The following NOS1AP variants were observed in gnomAD, a reference collection of about 807,000 sequenced individuals.
NOS1AP encodes the protein carboxyl-terminal PDZ ligand of neuronal nitric oxide synthase protein.
NOS1AP carries 21 observed loss-of-function variants against 56.2 expected under a neutral mutation model. The observed-to-expected ratio is 0.37, with a 90% CI of 0.26 to 0.54. NOS1AP has a LOEUF of 0.54. NOS1AP is among the 20% of genes least tolerant of loss of function. The probability of loss-of-function intolerance (pLI) is 0.84; values close to 1 mark genes in which losing one functional copy is unlikely to be tolerated. For synonymous variants in NOS1AP, 270 were observed against 274.6 expected, an observed-to-expected ratio of 0.98 and a Z score of 0.17; for missense variants, 522 against 657.8, an observed-to-expected ratio of 0.79 and a Z score of 2.26.
At chr1:162,239,154 T>C (rs796804976) in intron 2 of NOS1AP, among the ~76,000 whole-genome samples, 2 of 152,326 alleles carry the variant, frequency 1.3e-5, no homozygotes, top group African/African-American at 4.8e-5. Flanking sequence ...CTGGTTATGA[T>C]TGTGTTTATA....
chr1:162,271,134 T>C (rs955159708), intron 2 of NOS1AP, among the ~76,000 whole-genome samples: 26 of 152,244 alleles, frequency 1.7e-4, no homozygotes, highest in South Asian at 8.3e-4. Context: ...GCTTAAATGG[T>C]CGTGGGGGGT....
At chr1:162,113,026 G>A (rs796588782) in intron 1 of NOS1AP, among the ~76,000 whole-genome samples, 6 of 152,244 alleles carry the variant, frequency 3.9e-5, no homozygotes, top group African/African-American at 1.4e-4. Context: ...TGCAGTTCTG[G>A]GCTGCATCTC....
chr1:162,270,715 G>T (rs551813504), intron 2 of NOS1AP, among the ~76,000 whole-genome samples: 1 of 152,312 alleles, frequency 6.6e-6, no homozygotes, highest in South Asian at 2.1e-4. Context: ...ATATTGTAGC[G>T]TAGTATTTTA....
chr1:162,269,380 C>T (rs1188398826), intron 2 of NOS1AP, among the ~76,000 whole-genome samples: 1 of 152,090 alleles, frequency 6.6e-6, no homozygotes, highest in Non-Finnish European at 1.5e-5. Flanking sequence ...GGTGAAATTA[C>T]TCTTTCTCTA....
chr1:162,084,008 G>A (rs1691951452), intron 1 of NOS1AP, among the ~76,000 whole-genome samples: 1 of 152,176 alleles, frequency 6.6e-6, no homozygotes, highest in Non-Finnish European at 1.5e-5. Context: ...TTATTATGCA[G>A]TGCAACCTGG....
intron 2 of NOS1AP, among the ~76,000 whole-genome samples, chr1:162,182,217 A>G (rs974040304): frequency 5.3e-5 from 8 of 151,990 alleles, no homozygotes; most frequent in Non-Finnish European, 1.0e-4. Context: ...GCTTCCTGAC[A>G]GTCACTGTGC....
chr1:162,315,338 C>T (rs954779470), intron 4 of NOS1AP, among the ~76,000 whole-genome samples: 1 of 152,188 alleles, frequency 6.6e-6, no homozygotes, highest in East Asian at 1.9e-4. Context: ...TAGCTTACTC[C>T]GCAGCATGAG....
At chr1:162,232,141 G>T (rs962726463) in intron 2 of NOS1AP, among the ~76,000 whole-genome samples, 1 of 152,186 alleles carries the variant, frequency 6.6e-6, no homozygotes, top group African/African-American at 2.4e-5. Flanking sequence ...AGAGAAATAG[G>T]TACCTTGGAA....
At chr1:162,341,965 G>A (rs1470236438) in intron 5 of NOS1AP, among the ~76,000 whole-genome samples, 1 of 152,050 alleles carries the variant, frequency 6.6e-6, no homozygotes, top group Non-Finnish European at 1.5e-5. Flanking sequence ...AAGTGTAGGG[G>A]CTTCTTGCTT....
intron 6 of NOS1AP, among the ~76,000 whole-genome samples, chr1:162,348,307 A>G (rs912164407): frequency 6.6e-6 from 1 of 152,202 alleles, no homozygotes; most frequent in Non-Finnish European, 1.5e-5. Context: ...ACTTGGTGTC[A>G]GGGGAGCAGG....
chr1:162,276,403 G>A (rs968654220), intron 2 of NOS1AP, among the ~76,000 whole-genome samples: 6 of 152,090 alleles, frequency 3.9e-5, no homozygotes, highest in Non-Finnish European at 7.3e-5. Context: ...ACGGGGAGAC[G>A]CAGGGAATCA....
At chr1:162,276,045 G>T (rs1056849631) in intron 2 of NOS1AP, among the ~76,000 whole-genome samples, 1 of 152,144 alleles carries the variant, frequency 6.6e-6, no homozygotes, top group African/African-American at 2.4e-5. Context: ...TTTTGTGCTG[G>T]AGCAAGAGAG....
intron 2 of NOS1AP, among the ~76,000 whole-genome samples, chr1:162,186,419 A>C (rs1651433617): frequency 6.8e-6 from 1 of 147,402 alleles, no homozygotes; most frequent in South Asian, 2.2e-4. Flanking sequence ...AAAACAAAAC[A>C]AAAAAAAACA....
At chr1:162,276,493 T>A (rs1654737992) in intron 2 of NOS1AP, among the ~76,000 whole-genome samples, 1 of 151,698 alleles carries the variant, frequency 6.6e-6, no homozygotes, top group Non-Finnish European at 1.5e-5. Context: ...GACCTCAGTC[T>A]TAGCTGCTCA....
At position 162,300,683 on chromosome 1, in the gene NOS1AP, G is replaced by T. The variant is rs1039275729; in HGVS notation, c.321G>T (p.Leu107=). Residue 107 remains leucine (L), a synonymous_variant, in exon 4 of 10, where the codon CTG becomes CTT. Transcript: ENST00000361897. Reference sequence around the variant, plus strand: ...GGACGTGGGATGAGAGCAAGATGCTGGTGATGCAGGACCCCATCTACAGGT... The same window carrying T: ...GGACGTGGGATGAGAGCAAGATGCTTGTGATGCAGGACCCCATCTACAGGT... ...KEWTWDESKM[L]VMQDPIYRIF... is the part of the protein sequence containing the mutation. The T allele has an allele frequency of 6.2e-7, 1 of 1,614,058 alleles. No individual in the cohort carries two copies. Among genetic ancestry groups the T allele is most frequent in the Non-Finnish European group, 8.5e-7 (1 of 1,179,974 alleles).
At chr1:162,301,639 G>C (rs1030244779) in intron 4 of NOS1AP, among the ~76,000 whole-genome samples, 5 of 152,160 alleles carry the variant, frequency 3.3e-5, no homozygotes, top group African/African-American at 4.8e-5. Context: ...AGAAAGCCAG[G>C]CTCTCCCAGG....
At chr1:162,127,755 A>G (rs997736975) in intron 1 of NOS1AP, among the ~76,000 whole-genome samples, 1 of 152,198 alleles carries the variant, frequency 6.6e-6, no homozygotes, top group African/African-American at 2.4e-5. Context: ...TCGCAAGGAC[A>G]GTACCAAATG....
At chr1:162,123,863 C>T (rs1008424347) in intron 1 of NOS1AP, among the ~76,000 whole-genome samples, 3 of 151,996 alleles carry the variant, frequency 2.0e-5, no homozygotes, top group Non-Finnish European at 4.4e-5. Flanking sequence ...TCTATAAGTC[C>T]TTCAGAGTGG....
intron 2 of NOS1AP, among the ~76,000 whole-genome samples, chr1:162,285,532 T>C (rs940814038): frequency 6.6e-6 from 1 of 152,328 alleles, no homozygotes; most frequent in Non-Finnish European, 1.5e-5. Flanking sequence ...CTTCGCTGGT[T>C]TGTGGCTGCT....
Sources: allele counts gnomAD v4.1 joint callset (sites outside exome capture counted in the v4.1 genomes callset), GRCh38; gene constraint gnomAD v4.1.1; transcripts MANE v1.5; gene names NCBI Gene and HGNC (gene_info 2026-07-23, HGNC 2026-07-21).